Variants in FAM133B observed in about 807,000 individuals in gnomAD.
FAM133B encodes the protein protein FAM133B.
In FAM133B, 25 loss-of-function variants were observed where a neutral mutation model predicts 46.4. The observed-to-expected ratio is 0.54, with a 90% CI of 0.39 to 0.75. The LOEUF (loss-of-function observed/expected upper bound fraction) is 0.75. FAM133B is among the 30% of genes least tolerant of loss of function. The pLI is 0.00. For missense variants in FAM133B, 205 were observed against 277.6 expected, an observed-to-expected ratio of 0.74 and a Z score of 1.86; for synonymous variants, 75 against 86.0, an observed-to-expected ratio of 0.87 and a Z score of 0.71.
chr7:92,582,960 T>C (rs923286126), intron 1 of FAM133B, among the ~76,000 whole-genome samples: 1 of 152,222 alleles, frequency 6.6e-6, no homozygotes, highest in Non-Finnish European at 1.5e-5. Flanking sequence ...AACTACCACA[T>C]GATCCTATAT....
intron 10 of FAM133B, among the ~76,000 whole-genome samples, chr7:92,563,061 C>T (rs557459363): frequency 6.6e-5 from 10 of 152,086 alleles, no homozygotes; most frequent in Admixed American, 2.0e-4. Context: ...TGTTATAGAA[C>T]GCAGAACTTT....
At chr7:92,577,470 A>G (rs768053247) in intron 6 of FAM133B, 185 bp downstream of exon 6, 4 of 463,544 alleles carry the variant, frequency 8.6e-6, no homozygotes, top group Non-Finnish European at 1.5e-5. Context: ...AAAATCTAAA[A>G]AATATATTAT....
chr7:92,590,258 G>A lies in FAM133B; in HGVS notation c.24+10C>T, dbSNP rs371107112. On this transcript the variant is annotated intron_variant, in intron 1 of 10. Coordinates refer to ENST00000445716, the MANE Select transcript of FAM133B (RefSeq NM_152789.4). Reference sequence around the variant, plus strand: ...GCGTCGCCCCACTGTTTTCCCGGCTGAGTACTCACCACCCGATTGTCCCGC... The same window carrying A: ...GCGTCGCCCCACTGTTTTCCCGGCTAAGTACTCACCACCCGATTGTCCCGC... 9.9e-6 allele frequency: 16 copies of A among 1,613,594 alleles called. No individual in the cohort carries two copies. The highest frequency in any genetic ancestry group is 1.3e-5 in the African/African-American group (1 of 74,914).
chr7:92,572,672 T>C (rs1034668910), intron 8 of FAM133B, among the ~76,000 whole-genome samples: 1 of 152,040 alleles, frequency 6.6e-6, no homozygotes, highest in Non-Finnish European at 1.5e-5. Context: ...TGAGCCAAGA[T>C]TGCACCACTG....
intron 2 of FAM133B, among the ~76,000 whole-genome samples, chr7:92,580,780 G>A (rs540530902): frequency 3.3e-5 from 5 of 152,266 alleles, no homozygotes; most frequent in Admixed American, 1.3e-4. Context: ...ATTTCTCCTC[G>A]AAAGTTCATT....
chr7:92,581,585 C>T lies in FAM133B; in HGVS notation c.43G>A (p.Ala15Thr). The change falls in exon 2 of 11, where the codon GCA becomes ACA. Residue 15 changes from alanine to threonine, a missense_variant. Physicochemically the swap from Ala to Thr is moderately conservative, Grantham distance 58 (BLOSUM62 0). Transcript: ENST00000445716. ...ATTGGACCCCTTGATCTCGCCATTGCTATTGGGTTCATATAGGCCTTGGGG... is the reference window on the plus strand; with the variant it reads ...ATTGGACCCCTTGATCTCGCCATTGTTATTGGGTTCATATAGGCCTTGGGG... ...DNRVAYMNPI[A>T]MARSRGPIQS... 2 of 1,613,744 alleles carry T rather than the reference C, an allele frequency of 1.2e-6. No homozygotes were observed. The highest frequency in any genetic ancestry group is 1.7e-6 in the Non-Finnish European group (2 of 1,179,754).
chr7:92,571,339 TTGTC>T (rs1180838563), intron 8 of FAM133B, among the ~76,000 whole-genome samples: 4 of 152,214 alleles, frequency 2.6e-5, no homozygotes. Flanking sequence ...ATTTGCCAAT[TTGTC>T]TGTGTATGTG....
chr7:92,576,094 C>T (rs1387149601), intron 7 of FAM133B, among the ~76,000 whole-genome samples: 1 of 152,132 alleles, frequency 6.6e-6, no homozygotes, highest in Non-Finnish European at 1.5e-5. Context: ...AATAGGACTT[C>T]GTGTCATTGC....
In FAM133B at chr7:92,575,840, G is replaced by T. The variant is rs1262610036; in HGVS notation, c.466-19C>A. 9 of 1,146,588 alleles carry T rather than the reference G, an allele frequency of 7.8e-6. No individual in the cohort carries two copies. The South Asian group carries it at 1.2e-4, about 15-fold the overall frequency. 71.0% of individuals were successfully genotyped at this position (1,146,588 alleles called of 1,614,324 possible). A position where few individuals can be genotyped will look rare whatever the true frequency, so the allele number is the denominator to read the frequency against. On this transcript the variant is annotated intron_variant, in intron 7 of 10. Transcript: ENST00000445716. The stretch of plus-strand genomic sequence containing the variant: ...AACTATCCTAAACAAAGAAATATAT[G>T]TATCAATTTTAAATGCCAAGGACAC...
intron 2 of FAM133B, 96 bp downstream of exon 2, chr7:92,581,410 A>T: frequency 2.1e-6 from 2 of 973,178 alleles, no homozygotes; most frequent in Non-Finnish European, 1.5e-6. Flanking sequence ...CTTATCTGGC[A>T]ATTGCTTGGT....
intron 9 of FAM133B, 109 bp downstream of exon 9, chr7:92,569,714 A>T: frequency 1.9e-6 from 1 of 539,324 alleles, no homozygotes; most frequent in Non-Finnish European, 3.1e-6. Flanking sequence ...TTTTCATACT[A>T]GAAAGGTGAA....
At chr7:92,565,949 G>T in intron 10 of FAM133B, 65 bp downstream of exon 10, 3 of 1,525,854 alleles carry the variant, frequency 2.0e-6, no homozygotes, top group South Asian at 2.3e-5. Context: ...GCTTTACCAT[G>T]ACTCATTTTA....
chr7:92,578,235 G>A, intron 4 of FAM133B, 53 bp from the exon 5 acceptor site: 1 of 1,598,928 alleles, frequency 6.3e-7, no homozygotes, highest in Non-Finnish European at 8.6e-7. Flanking sequence ...GTTTGCAAAT[G>A]CATCTATTAA....
rs1272733520 is a variant in FAM133B, at chr7:92,579,354, G to A, written c.164C>T (p.Ser55Phe). The change falls in exon 3 of 11, where the codon TCC becomes TTC. Residue 55 changes from serine (S) to phenylalanine (F), a missense_variant. Physicochemically the swap from Ser to Phe is radical, Grantham distance 155 (BLOSUM62 -2). Transcript: ENST00000445716. ...TTCTTCAAATTCAGCCAAAGCCTTG[G>A]AGCCTTTCTTTTTCTTTTCTAGTTG... is the stretch of plus-strand genomic sequence containing the variant. Reference protein sequence around the residue: ...KEQLEKKKKGSKALAEFEEKM... With the variant: ...KEQLEKKKKGFKALAEFEEKM... The A allele has an allele frequency of 6.2e-7, 1 of 1,609,742 alleles. No individual in the cohort carries two copies. The highest frequency in any genetic ancestry group is 1.1e-5 in the South Asian group (1 of 89,748).
intron 8 of FAM133B, among the ~76,000 whole-genome samples, chr7:92,570,441 G>A (rs932430164): frequency 1.3e-5 from 2 of 152,102 alleles, no homozygotes; most frequent in Admixed American, 1.3e-4. Flanking sequence ...AGAGGGGACT[G>A]AGATTGGGAG....
At chr7:92,589,950 G>A in intron 1 of FAM133B, 1 of 457,424 alleles carries the variant, frequency 2.2e-6, no homozygotes, top group Non-Finnish European at 3.9e-6. Context: ...GTGTGGGGGG[G>A]GTTCCCCGAG....
intron 3 of FAM133B, chr7:92,579,060 A>C: frequency 2.8e-6 from 1 of 351,766 alleles, no homozygotes; most frequent in Non-Finnish European, 5.2e-6. Flanking sequence ...ACGTAAATAC[A>C]AACTTGTATT....
At chr7:92,587,095 C>A (rs1795056724) in intron 1 of FAM133B, among the ~76,000 whole-genome samples, 1 of 151,102 alleles carries the variant, frequency 6.6e-6, no homozygotes, top group African/African-American at 2.4e-5. Flanking sequence ...TATATGGGAA[C>A]CCTCTGTACT....
At chr7:92,587,543 CAGCA>C (rs1466469658) in intron 1 of FAM133B, among the ~76,000 whole-genome samples, 1 of 151,998 alleles carries the variant, frequency 6.6e-6, no homozygotes, top group Non-Finnish European at 1.5e-5. Context: ...CCAGCCTGGG[CAGCA>C]TGGTGAAACC....
Sources: gnomAD v4.1 joint callset for allele counts (sites outside exome capture counted in the v4.1 genomes callset) on GRCh38, gnomAD v4.1.1 for gene constraint, MANE v1.5 for transcripts, NCBI Gene and HGNC (gene_info 2026-07-23, HGNC 2026-07-21) for gene names.